Variants in EYS observed in about 807,000 individuals in gnomAD.
EYS encodes the protein EGF-like photoreceptor maintenance factor.
In EYS, 250 loss-of-function variants were observed where a neutral mutation model predicts 282.1. The observed-to-expected ratio is 0.89, with a 90% confidence interval of 0.80 to 0.98. EYS has a LOEUF of 0.98. Among genes scored for constraint, EYS ranks in the 50% least tolerant of loss-of-function variants. EYS has a pLI of 0.00. For missense variants in EYS, 4,016 were observed against 3,709.0 expected, an observed-to-expected ratio of 1.08 and a Z score of -2.15; for synonymous variants, 1,355 against 1,282.9, an observed-to-expected ratio of 1.06 and a Z score of -1.20.
rs1554182918 is a variant in EYS at position 63,863,678 on chromosome 6, T to TTC, written c.7228+507_7228+508insGA. 5.7e-4 allele frequency among the ~76,000 whole-genome samples: 73 copies of TTC among 127,004 alleles called. 1 individual carries two copies. The highest frequency in any genetic ancestry group is 2.1e-3 in the African/African-American group (65 of 30,728). The allele number at this position is 127,004 out of a possible 152,430, so 83.3% of individuals were successfully genotyped here. ...CTTTTCTTTTCTTTTCTTTTTTCTT[T>TTC]TTTTTTTTTTTTTTTGAGATGGAGT... On this transcript the variant is annotated intron_variant, in intron 36 of 42. Coordinates refer to ENST00000503581, the MANE Select transcript of EYS (RefSeq NM_001142800.2).
intron 5 of EYS, among the ~76,000 whole-genome samples, chr6:65,460,007 T>TATATATAA (rs1278184450): frequency 9.2e-6 from 1 of 108,156 alleles, no homozygotes; most frequent in Non-Finnish European, 1.9e-5. Context: ...TATATATATA[T>TATATATAA]AATTTTATTG....
intron 26 of EYS, among the ~76,000 whole-genome samples, chr6:64,543,826 C>A (rs1318981704): frequency 6.6e-6 from 1 of 152,074 alleles, no homozygotes; most frequent in Non-Finnish European, 1.5e-5. Context: ...AGGATTATCC[C>A]TCTTACATTC....
In EYS at chr6:63,952,625, C is replaced by A. The variant is rs150532513; in HGVS notation, c.7055+31758G>T. On this transcript the variant is annotated intron_variant, in intron 35 of 42. Transcript: ENST00000503581. ...TCCTTTTTAGTTATCCCCACCTGCC[C>A]AGCTCCCTTATTAGGTTGAGACATT... Among the ~76,000 whole-genome samples the A allele has an allele frequency of 1.6e-3, 248 of 152,270 alleles. 3 individuals are homozygous for A. The East Asian group carries it at 0.041, about 25-fold the overall frequency.
intron 12 of EYS, among the ~76,000 whole-genome samples, chr6:65,072,771 T>C (rs558938196): frequency 6.7e-6 from 1 of 149,708 alleles, no homozygotes. Flanking sequence ...AAAAAGAACA[T>C]GACAAAGGAT....
intron 37 of EYS, among the ~76,000 whole-genome samples, chr6:63,796,969 T>C (rs1029377365): frequency 2.0e-5 from 3 of 152,208 alleles, no homozygotes; most frequent in African/African-American, 7.2e-5. Flanking sequence ...TGAATATTGC[T>C]TACAGAATGG....
intron 27 of EYS, among the ~76,000 whole-genome samples, chr6:64,436,637 C>G (rs1774759579): frequency 6.6e-6 from 1 of 151,790 alleles, no homozygotes; most frequent in Admixed American, 6.6e-5. Context: ...ATGGTTAATA[C>G]AATCTAGAGG....
chr6:64,538,254 G>T (rs1483340258), intron 26 of EYS, among the ~76,000 whole-genome samples: 4 of 152,038 alleles, frequency 2.6e-5, no homozygotes, highest in African/African-American at 9.7e-5. Flanking sequence ...TTGTTTCCAG[G>T]AATAAATGAT....
chr6:64,792,665 C>T (rs1439179662), intron 22 of EYS, among the ~76,000 whole-genome samples: 1 of 152,010 alleles, frequency 6.6e-6, no homozygotes, highest in Non-Finnish European at 1.5e-5. Flanking sequence ...GAAGATAAAT[C>T]TGTTTTCAAT....
chr6:63,989,495 A>T (rs1184415436), intron 34 of EYS, among the ~76,000 whole-genome samples: 1 of 151,688 alleles, frequency 6.6e-6, no homozygotes, highest in African/African-American at 2.4e-5. Context: ...CCCTCTCTTT[A>T]TCTTACTTTT....
intron 22 of EYS, among the ~76,000 whole-genome samples, chr6:64,649,076 C>G (rs1046815505): frequency 1.3e-5 from 2 of 152,044 alleles, no homozygotes; most frequent in Non-Finnish European, 2.9e-5. Context: ...TTTAGAAGAT[C>G]TAACAGTTAA....
chr6:64,297,500 C>A (rs138933076), intron 30 of EYS, among the ~76,000 whole-genome samples: 20 of 152,178 alleles, frequency 1.3e-4, no homozygotes, highest in African/African-American at 4.6e-4. Context: ...AAACTAAAGA[C>A]GAAGTGAAAA....
chr6:65,478,677 T>A (rs1765493901), intron 5 of EYS, among the ~76,000 whole-genome samples: 1 of 152,162 alleles, frequency 6.6e-6, no homozygotes, highest in Non-Finnish European at 1.5e-5. Context: ...TAATTATACA[T>A]AATTGATTTT....
intron 31 of EYS, among the ~76,000 whole-genome samples, chr6:64,093,854 C>T (rs1772472951): frequency 6.6e-6 from 1 of 152,082 alleles, no homozygotes; most frequent in Admixed American, 6.6e-5. Flanking sequence ...GGAATGCTTC[C>T]AGTTTTTGCC....
At chr6:64,505,845 T>C (rs1410503977) in intron 26 of EYS, among the ~76,000 whole-genome samples, 1 of 152,222 alleles carries the variant, frequency 6.6e-6, no homozygotes, top group Non-Finnish European at 1.5e-5. Flanking sequence ...CTGAACTTGC[T>C]TTTTGGTACA....
At chr6:65,706,284 C>A (rs192221546) in intron 1 of EYS, among the ~76,000 whole-genome samples, 414 of 151,692 alleles carry the variant, frequency 2.7e-3, no homozygotes, top group Non-Finnish European at 5.0e-3. Flanking sequence ...TTAAGGTAAG[C>A]AATGGTCCCT....
chr6:64,787,869 A>C (rs969508579), intron 22 of EYS, among the ~76,000 whole-genome samples: 1 of 151,376 alleles, frequency 6.6e-6, no homozygotes, highest in African/African-American at 2.4e-5. Context: ...TTTAATTTTC[A>C]ATTTTTCCTA....
rs1430285881 is a variant in EYS at position 64,081,853 on chromosome 6, C to T, written c.6571+3G>A. The stretch of plus-strand genomic sequence containing the variant: ...TACAAGAAGTCAAACATTTAATACT[C>T]ACTGTAAAGAATAGTTCCATTTAAA... On this transcript the variant is annotated splice_donor_region_variant and intron_variant, in intron 32 of 42. Transcript: ENST00000503581. 12 of 1,505,612 alleles carry T rather than the reference C, an allele frequency of 8.0e-6. No individual in the cohort carries two copies. The South Asian group carries it at 1.3e-4, about 16-fold the overall frequency. 93.3% of individuals were successfully genotyped at this position (1,505,612 alleles called of 1,614,324 possible).
At chr6:65,245,354 TTTTA>T (rs1222452986) in intron 12 of EYS, among the ~76,000 whole-genome samples, 1 of 152,172 alleles carries the variant, frequency 6.6e-6, no homozygotes, top group African/African-American at 2.4e-5. Context: ...TGTAATCAGT[TTTTA>T]TTTATCTATG....
chr6:64,195,658 A>G lies in EYS; in HGVS notation c.6424+34934T>C, dbSNP rs1281622680. On this transcript the variant is annotated intron_variant, in intron 31 of 42. Transcript: ENST00000503581. Reference sequence around the variant, plus strand: ...GTCTTTTTCATTCTATAATATTACTATAATGTTTCTTTATGTGTATGTTTG... The same window carrying G: ...GTCTTTTTCATTCTATAATATTACTGTAATGTTTCTTTATGTGTATGTTTG... Among the ~76,000 whole-genome samples, 5 of 152,262 alleles carry G rather than the reference A, an allele frequency of 3.3e-5. No individual in the cohort carries two copies. The East Asian group carries it at 9.6e-4, about 29-fold the overall frequency.
Sources: gnomAD v4.1 joint callset for allele counts (sites outside exome capture counted in the v4.1 genomes callset) on GRCh38, gnomAD v4.1.1 for gene constraint, MANE v1.5 for transcripts, NCBI Gene and HGNC (gene_info 2026-07-23, HGNC 2026-07-21) for gene names.